PHACTR3: variants seen among roughly 807,000 people sequenced by gnomAD.
The protein encoded by PHACTR3 is protein phosphatase 1, regulatory subunit 123.
In PHACTR3, 16 loss-of-function variants were observed where a neutral mutation model predicts 66.8. The observed-to-expected ratio is 0.24, with a 90% CI of 0.16 to 0.36. The LOEUF (loss-of-function observed/expected upper bound fraction) is 0.36, where lower values mean the gene tolerates loss of function less well. Ranked by LOEUF, PHACTR3 falls within the 10% of genes least tolerant of loss-of-function variation. The pLI is 1.00. For missense variants in PHACTR3, 647 were observed against 719.9 expected (o/e 0.90, Z 1.16); for synonymous variants, 323 against 292.1 (o/e 1.11, Z -1.08).
At chr20:59,725,938 C>T (rs952472736) in intron 1 of PHACTR3, among the ~76,000 whole-genome samples, 8 of 152,172 alleles carry the variant, frequency 5.3e-5, no homozygotes, top group African/African-American at 1.9e-4. Context: ...GTGGGCAGAG[C>T]ACTGACAGTA....
intron 1 of PHACTR3, chr20:59,577,750 C>T: frequency 1.9e-6 from 1 of 530,650 alleles, no homozygotes; most frequent in Non-Finnish European, 2.6e-6. Flanking sequence ...GCCCGCTGCG[C>T]CCCCAGCCAC....
intron 5 of PHACTR3, among the ~76,000 whole-genome samples, chr20:59,770,762 A>G (rs1336328106): frequency 1.3e-5 from 2 of 152,144 alleles, no homozygotes; most frequent in African/African-American, 4.8e-5. Flanking sequence ...AAATTGCAGG[A>G]GGTCCTTTGC....
intron 2 of PHACTR3, among the ~76,000 whole-genome samples, chr20:59,746,754 G>A (rs2039387866): frequency 6.6e-6 from 1 of 152,230 alleles, no homozygotes; most frequent in Non-Finnish European, 1.5e-5. Context: ...TGGACTCTCT[G>A]TGATCCAGGG....
intron 8 of PHACTR3, among the ~76,000 whole-genome samples, chr20:59,814,596 G>A (rs763681192): frequency 5.9e-5 from 9 of 152,116 alleles, no homozygotes; most frequent in Non-Finnish European, 8.8e-5. Flanking sequence ...AGAGCCCGTC[G>A]TGGTGTTTTA....
At chr20:59,719,163 C>G (rs936923954) in intron 1 of PHACTR3, among the ~76,000 whole-genome samples, 13 of 152,076 alleles carry the variant, frequency 8.5e-5, no homozygotes, top group African/African-American at 3.1e-4. Flanking sequence ...TTCTCTTATT[C>G]TTAGCTTTTT....
intron 3 of PHACTR3, among the ~76,000 whole-genome samples, chr20:59,752,084 T>A (rs2039614135): frequency 6.6e-6 from 1 of 152,252 alleles, no homozygotes; most frequent in Admixed American, 6.5e-5. Context: ...CTGTGTTCAG[T>A]GACTTGAGAT....
At chr20:59,819,493 G>T (rs1555851007) in intron 8 of PHACTR3, among the ~76,000 whole-genome samples, 2 of 151,396 alleles carry the variant, frequency 1.3e-5, no homozygotes, top group South Asian at 4.2e-4. Context: ...CTATGATGGT[G>T]CCATTGCACT....
chr20:59,655,971 T>C (rs1244234215), intron 1 of PHACTR3, among the ~76,000 whole-genome samples: 1 of 151,932 alleles, frequency 6.6e-6, no homozygotes, highest in Non-Finnish European at 1.5e-5. Flanking sequence ...CTTTCTGTTA[T>C]TGCTTTCTAA....
intron 1 of PHACTR3, among the ~76,000 whole-genome samples, chr20:59,638,566 T>TGGGC (rs1366070385): frequency 7.5e-5 from 2 of 26,750 alleles, no homozygotes; most frequent in East Asian, 7.0e-3. Flanking sequence ...GATAGGTGGG[T>TGGGC]GGGTGGGTGC....
At chr20:59,833,105 C>G (rs6100620) in intron 8 of PHACTR3, among the ~76,000 whole-genome samples, 3,079 of 152,250 alleles carry the variant, frequency 0.02, 121 homozygotes, top group African/African-American at 0.068. Context: ...AGGTTGGTGA[C>G]AAGCCAGTGG....
At chr20:59,832,978 C>T (rs1200385589) in intron 8 of PHACTR3, among the ~76,000 whole-genome samples, 1 of 152,204 alleles carries the variant, frequency 6.6e-6, no homozygotes, top group Admixed American at 6.5e-5. Flanking sequence ...TCTTGCTCAC[C>T]TCAATCCCCT....
At chr20:59,739,195 A>G (rs2039061582) in intron 1 of PHACTR3, among the ~76,000 whole-genome samples, 1 of 152,048 alleles carries the variant, frequency 6.6e-6, no homozygotes, top group Admixed American at 6.5e-5. Context: ...CGCCTCAAAA[A>G]CACAGTGGAG....
intron 1 of PHACTR3, among the ~76,000 whole-genome samples, chr20:59,632,338 T>C (rs1262346898): frequency 1.3e-5 from 2 of 152,152 alleles, no homozygotes; most frequent in African/African-American, 4.8e-5. Context: ...TCCTGCACAG[T>C]CTCTGCCCCT....
chr20:59,761,535 C>G (rs1186130772), intron 4 of PHACTR3, among the ~76,000 whole-genome samples: 6 of 152,200 alleles, frequency 3.9e-5, no homozygotes, highest in Non-Finnish European at 7.3e-5. Flanking sequence ...AAGTGTGTCC[C>G]CTGCCCTGGT....
chr20:59,702,485 G>A (rs1056199860), intron 1 of PHACTR3, among the ~76,000 whole-genome samples: 4 of 152,168 alleles, frequency 2.6e-5, no homozygotes, highest in Non-Finnish European at 5.9e-5. Flanking sequence ...TTACTGAAAG[G>A]GTTGCATGCT....
chr20:59,714,680 A>G (rs1040335434), intron 1 of PHACTR3, among the ~76,000 whole-genome samples: 1 of 152,196 alleles, frequency 6.6e-6, no homozygotes, highest in Non-Finnish European at 1.5e-5. Flanking sequence ...AGACATTTCT[A>G]TATAAAAATT....
At chr20:59,811,759 G>T (rs1463108769) in intron 8 of PHACTR3, among the ~76,000 whole-genome samples, 1 of 152,138 alleles carries the variant, frequency 6.6e-6, no homozygotes, top group Non-Finnish European at 1.5e-5. Flanking sequence ...CCCAGCAAGG[G>T]CTCTGGAACA....
chr20:59,821,328 G>C (rs940569810), intron 8 of PHACTR3, among the ~76,000 whole-genome samples: 1 of 152,158 alleles, frequency 6.6e-6, no homozygotes, highest in Non-Finnish European at 1.5e-5. Flanking sequence ...CAACAAGGAC[G>C]CAGACTCCTC....
Position 59,587,754 on chromosome 20 carries a change from G to A in PHACTR3, c.109+10137G>A, listed in dbSNP as rs1024740506. On this transcript the variant is annotated intron_variant, in intron 1 of 12. Transcript: ENST00000359926. ...GTCAGCTGGAGCTGGGGCTGGAGCC[G>A]GGGCTGGGGCTGGGGCTGGGGCCTG... 1.0e-4 allele frequency among the ~76,000 whole-genome samples: 15 copies of A among 147,624 alleles called. 1 individual carries two copies. The highest frequency in any genetic ancestry group is 1.5e-4 in the Non-Finnish European group (10 of 67,888).
Sources: allele counts gnomAD v4.1 joint callset (sites outside exome capture counted in the v4.1 genomes callset), GRCh38; gene constraint gnomAD v4.1.1; transcripts MANE v1.5; gene names NCBI Gene and HGNC (gene_info 2026-07-23, HGNC 2026-07-21).